PREP: variants seen among roughly 807,000 people sequenced by gnomAD.
The protein encoded by PREP is prolyl endopeptidase.
In PREP, 29 loss-of-function variants were observed where a neutral mutation model predicts 87.6. The ratio of observed to expected loss-of-function variants is 0.33; its 90% CI spans 0.25 to 0.45. PREP has a LOEUF of 0.45. Among genes scored for constraint, PREP ranks in the 20% least tolerant of loss-of-function variants. The probability of loss-of-function intolerance (pLI) is 1.00; values close to 1 mark genes in which losing one functional copy is unlikely to be tolerated. For synonymous variants in PREP, 337 were observed against 328.6 expected, an observed-to-expected ratio of 1.03 and a Z score of -0.28; for missense variants, 695 against 886.5, an observed-to-expected ratio of 0.78 and a Z score of 2.74.
In PREP at chr6:105,278,132, C is replaced by T. The variant is rs374432409; in HGVS notation, c.*12G>A. On this transcript the variant is annotated 3_prime_UTR_variant, in exon 15 of 15. Coordinates refer to ENST00000652536, the MANE Select transcript of PREP (RefSeq NM_002726.5). This position sits in a 1 kb window ranked among gnomAD's most constrained non-coding sequence, Gnocchi z 4.2. ...GTTTTCTGTCGCTGTCAGGAGGAAG[C>T]ACGAAAACTGTTTATGGAATCCAGT... The T allele has an allele frequency of 6.3e-6, 10 of 1,597,876 alleles. No homozygotes were observed. Among genetic ancestry groups the T allele is most frequent in the Non-Finnish European group, 8.6e-6 (10 of 1,168,774 alleles).
intron 10 of PREP, among the ~76,000 whole-genome samples, chr6:105,296,410 G>A (rs1285902292): frequency 6.6e-6 from 1 of 151,640 alleles, no homozygotes; most frequent in Admixed American, 6.6e-5. Context: ...TTTCTCTGTG[G>A]TGTCTTGAGG....
intron 2 of PREP, among the ~76,000 whole-genome samples, chr6:105,386,687 T>G (rs1426901875): frequency 2.0e-5 from 3 of 152,198 alleles, no homozygotes; most frequent in Admixed American, 6.5e-5. Context: ...TCAAGTAATC[T>G]AAGTATTCCC....
intron 6 of PREP, among the ~76,000 whole-genome samples, chr6:105,354,657 A>G (rs1176209734): frequency 1.3e-5 from 2 of 152,062 alleles, no homozygotes; most frequent in African/African-American, 4.8e-5. Context: ...GCTGAACAGG[A>G]GGGATTCAGC....
At chr6:105,294,038 T>G (rs1170245474) in intron 10 of PREP, among the ~76,000 whole-genome samples, 1 of 152,196 alleles carries the variant, frequency 6.6e-6, no homozygotes, top group Non-Finnish European at 1.5e-5. Flanking sequence ...CTCATTGTCC[T>G]GAATTTGCTG....
intron 7 of PREP, among the ~76,000 whole-genome samples, chr6:105,347,941 T>G (rs1190456784): frequency 6.6e-6 from 1 of 152,070 alleles, no homozygotes; most frequent in Non-Finnish European, 1.5e-5. Flanking sequence ...TAATATTGAT[T>G]AGGAAGGTAT....
intron 6 of PREP, among the ~76,000 whole-genome samples, chr6:105,362,961 C>T (rs1016358454): frequency 6.6e-6 from 1 of 152,160 alleles, no homozygotes; most frequent in East Asian, 1.9e-4. Context: ...CATGAACTTC[C>T]ACAGGGGACA....
At chr6:105,384,380 C>G (rs1772928641) in intron 2 of PREP, among the ~76,000 whole-genome samples, 1 of 152,184 alleles carries the variant, frequency 6.6e-6, no homozygotes. Flanking sequence ...TGAGGAACAT[C>G]TGGCTGGAAC....
At chr6:105,288,311 A>G (rs1770229059) in intron 11 of PREP, among the ~76,000 whole-genome samples, 1 of 152,216 alleles carries the variant, frequency 6.6e-6, no homozygotes, top group African/African-American at 2.4e-5. Context: ...GATAGTTAAC[A>G]CATAATCCTG....
At chr6:105,316,345 G>C (rs998715639) in intron 10 of PREP, among the ~76,000 whole-genome samples, 2 of 152,176 alleles carry the variant, frequency 1.3e-5, no homozygotes, top group Non-Finnish European at 2.9e-5. Context: ...GGAGCAGTCA[G>C]AACACACACA....
chr6:105,401,097 G>T lies in PREP; in HGVS notation c.45+1750C>A, dbSNP rs1192959112. The stretch of plus-strand genomic sequence containing the variant: ...AGTTGCTTAATGAGAAGGAACTGGA[G>T]TGTATTAAAATCCACAGTATACCCT... On this transcript the variant is annotated intron_variant, in intron 1 of 14. Transcript: ENST00000652536. 2.6e-5 allele frequency among the ~76,000 whole-genome samples: 4 copies of T among 152,336 alleles called. No individual in the cohort carries two copies. In the East Asian group the frequency reaches 7.7e-4, roughly 29 times the overall value.
Position 105,278,616 on chromosome 6 carries a change from G to A in PREP, c.1839-178C>T, listed in dbSNP as rs1225273651. Among the ~76,000 whole-genome samples the A allele has an allele frequency of 6.6e-6, 1 of 151,940 alleles. No individual in the cohort carries two copies. Among genetic ancestry groups the A allele is most frequent in the Admixed American group, 6.5e-5 (1 of 15,282 alleles). The stretch of plus-strand genomic sequence containing the variant: ...GACTGGCAAGGGCTCCTGGAAACTG[G>A]GGAGCTGTGTCATTTATGTGGCTCC... On this transcript the variant is annotated intron_variant, in intron 14 of 14. Transcript: ENST00000652536. The surrounding 1 kb of genome is among the most constrained non-coding windows in gnomAD (Gnocchi z 4.2).
intron 10 of PREP, among the ~76,000 whole-genome samples, chr6:105,317,352 A>G (rs1401212215): frequency 6.6e-6 from 1 of 152,164 alleles, no homozygotes; most frequent in Non-Finnish European, 1.5e-5. Context: ...ATAGATCTGG[A>G]GTTGTAAGTT....
At position 105,280,202 on chromosome 6, in the gene PREP, A is replaced by G. The variant is rs889882669; in HGVS notation, c.1838+1544T>C. 4.6e-5 allele frequency among the ~76,000 whole-genome samples: 7 copies of G among 152,204 alleles called. No individual in the cohort carries two copies. In the East Asian group the frequency reaches 1.4e-3, roughly 29 times the overall value. ...TCCCAGCTACTCAGGTGGCTGAAGCATGAGAACTGAGAACTGCTTGTACCC... is the reference window on the plus strand; with the variant it reads ...TCCCAGCTACTCAGGTGGCTGAAGCGTGAGAACTGAGAACTGCTTGTACCC... On this transcript the variant is annotated intron_variant, in intron 14 of 14. Coordinates refer to ENST00000652536, the MANE Select transcript of PREP (RefSeq NM_002726.5).
chr6:105,312,622 G>C (rs1770780273), intron 10 of PREP, among the ~76,000 whole-genome samples: 2 of 152,208 alleles, frequency 1.3e-5, no homozygotes, highest in African/African-American at 4.8e-5. Flanking sequence ...TATGTACGAA[G>C]AACATGAGCA....
intron 2 of PREP, among the ~76,000 whole-genome samples, chr6:105,396,829 T>G (rs1180428539): frequency 6.6e-6 from 1 of 152,078 alleles, no homozygotes; most frequent in Non-Finnish European, 1.5e-5. Context: ...ATCCAAGAAC[T>G]TAAGATGAAC....
chr6:105,387,562 C>G (rs1247091060), intron 2 of PREP, among the ~76,000 whole-genome samples: 1 of 142,182 alleles, frequency 7.0e-6, no homozygotes, highest in Non-Finnish European at 1.5e-5. Flanking sequence ...AGAATTGTCA[C>G]AGGCCACACA....
intron 2 of PREP, among the ~76,000 whole-genome samples, chr6:105,380,907 C>G (rs1562224192): frequency 6.6e-6 from 1 of 152,222 alleles, no homozygotes; most frequent in Non-Finnish European, 1.5e-5. Flanking sequence ...CTTGGAAAAG[C>G]AGAATTGTGT....
intron 6 of PREP, among the ~76,000 whole-genome samples, chr6:105,357,021 T>A (rs1341094161): frequency 1.3e-5 from 2 of 152,202 alleles, no homozygotes; most frequent in Admixed American, 1.3e-4. Flanking sequence ...TTGTATTATA[T>A]TTTTCCTTCT....
At chr6:105,317,058 G>A (rs1400105437) in intron 10 of PREP, among the ~76,000 whole-genome samples, 1 of 150,328 alleles carries the variant, frequency 6.7e-6, no homozygotes, top group Admixed American at 6.7e-5. Context: ...TGATCATCCT[G>A]CCTCAGCCTC....
Sources: allele counts gnomAD v4.1 joint callset (sites outside exome capture counted in the v4.1 genomes callset), GRCh38; gene constraint gnomAD v4.1.1; non-coding constraint Gnocchi (gnomAD v3.1); transcripts MANE v1.5; gene names NCBI Gene and HGNC (gene_info 2026-07-23, HGNC 2026-07-21).